CPED1: variants seen among roughly 807,000 people sequenced by gnomAD.
The protein encoded by CPED1 is cadherin like and PC-esterase domain containing 1, also known as cadherin-like and PC-esterase domain-containing protein 1.
CPED1 carries 114 observed loss-of-function variants against 128.2 expected under a neutral mutation model. The ratio of observed to expected loss-of-function variants is 0.89; its 90% CI spans 0.76 to 1.04. The LOEUF is 1.04. CPED1 is among the 50% of genes least tolerant of loss of function. The pLI, the probability that CPED1 is intolerant of heterozygous loss-of-function variation, is 0.00. For missense variants in CPED1, 1,211 were observed against 1,207.1 expected, an observed-to-expected ratio of 1.00 and a Z score of -0.05; for synonymous variants, 462 against 426.7, an observed-to-expected ratio of 1.08 and a Z score of -1.02.
At chr7:121,053,806 T>C (rs1341515502) in intron 4 of CPED1, among the ~76,000 whole-genome samples, 1 of 152,246 alleles carries the variant, frequency 6.6e-6, no homozygotes, top group African/African-American at 2.4e-5. Flanking sequence ...TTTATTTATG[T>C]CAGTATGGAC....
intron 16 of CPED1, among the ~76,000 whole-genome samples, chr7:121,200,371 A>G (rs911000727): frequency 6.6e-6 from 1 of 152,128 alleles, no homozygotes; most frequent in Admixed American, 6.6e-5. Context: ...GAGAATGGGT[A>G]TACATTTCCT....
Position 121,100,038 on chromosome 7 carries a change from A to G in CPED1, c.862A>G (p.Ile288Val). 1.2e-6 allele frequency: 2 copies of G among 1,613,564 alleles called. No homozygotes were observed. The highest frequency in any genetic ancestry group is 8.5e-7 in the Non-Finnish European group (1 of 1,179,764). Residue 288 changes from isoleucine (I) to valine (V), a missense_variant, in exon 7 of 23, where the codon ATT (isoleucine) becomes GTT (valine). Ile to Val is a conservative substitution (Grantham distance 29, BLOSUM62 3). Transcript: ENST00000310396. ...VTSLTPLRAF[I>V]HSTGTVWNPP... ...GTCCTTAACCCCTTTGCGTGCATTC[A>G]TTCATTCGACGGGCACAGTTTGGAA...
intron 5 of CPED1, among the ~76,000 whole-genome samples, chr7:121,077,234 A>G (rs933709013): frequency 6.6e-6 from 1 of 152,090 alleles, no homozygotes; most frequent in African/African-American, 2.4e-5. Context: ...CTTAGTAGAC[A>G]TGTTCTTCTT....
At chr7:121,089,006 G>C (rs929631235) in intron 5 of CPED1, among the ~76,000 whole-genome samples, 1 of 152,132 alleles carries the variant, frequency 6.6e-6, no homozygotes, top group African/African-American at 2.4e-5. Flanking sequence ...GGTTCTGCCT[G>C]GCTTCTGACT....
intron 2 of CPED1, among the ~76,000 whole-genome samples, chr7:121,003,926 G>A (rs542787067): frequency 1.2e-4 from 19 of 152,294 alleles, no homozygotes; most frequent in Admixed American, 5.2e-4. Flanking sequence ...AGACATAAAT[G>A]TGTGCTGAAG....
At chr7:121,097,210 A>G (rs926797906) in intron 5 of CPED1, among the ~76,000 whole-genome samples, 5 of 152,314 alleles carry the variant, frequency 3.3e-5, no homozygotes, top group Non-Finnish European at 4.4e-5. Context: ...AATAATTAAT[A>G]TTTTATAAGA....
At chr7:121,041,538 C>T (rs956582243) in intron 3 of CPED1, among the ~76,000 whole-genome samples, 2 of 152,058 alleles carry the variant, frequency 1.3e-5, no homozygotes, top group African/African-American at 4.8e-5. Flanking sequence ...CTAATATGAA[C>T]GATGCTATCT....
rs965849459 is a variant in CPED1 at position 121,137,395 on chromosome 7, G to C, written c.1699+1305G>C. ...GCTACATTGCCCAGGCTGGTCTTGA[G>C]TTCCTGATCTCAAGTGGTCCTCCCG... On this transcript the variant is annotated intron_variant, in intron 14 of 22. Transcript: ENST00000310396. 2.0e-5 allele frequency among the ~76,000 whole-genome samples: 3 copies of C among 151,900 alleles called. No individual in the cohort carries two copies. The East Asian group carries it at 5.8e-4, about 29-fold the overall frequency.
intron 18 of CPED1, among the ~76,000 whole-genome samples, chr7:121,255,665 G>A (rs897098765): frequency 7.9e-5 from 12 of 151,874 alleles, no homozygotes; most frequent in African/African-American, 2.2e-4. Context: ...GAAAACCCTA[G>A]AGAATGCCAA....
intron 16 of CPED1, among the ~76,000 whole-genome samples, chr7:121,159,854 TG>T (rs1444061936): frequency 1.2e-4 from 18 of 152,206 alleles, no homozygotes; most frequent in African/African-American, 4.1e-4. Flanking sequence ...TCTTAATATT[TG>T]TAAAATTAAA....
chr7:121,287,752 C>T (rs968325498), intron 22 of CPED1, among the ~76,000 whole-genome samples: 4 of 152,126 alleles, frequency 2.6e-5, no homozygotes, highest in Non-Finnish European at 4.4e-5. Context: ...TTTTAATTAA[C>T]TCGGGAAGAT....
chr7:121,044,243 TG>T (rs970845587), intron 3 of CPED1, among the ~76,000 whole-genome samples: 1 of 151,966 alleles, frequency 6.6e-6, no homozygotes, highest in African/African-American at 2.4e-5. Flanking sequence ...CTTCTAATGT[TG>T]GAAATAGAAA....
intron 3 of CPED1, among the ~76,000 whole-genome samples, chr7:121,041,841 A>G (rs1272321871): frequency 1.3e-5 from 2 of 152,182 alleles, no homozygotes; most frequent in African/African-American, 4.8e-5. Context: ...TTATATCTGA[A>G]TTAATTGATC....
chr7:121,146,762 A>T (rs1020861817), intron 16 of CPED1, among the ~76,000 whole-genome samples: 1 of 152,162 alleles, frequency 6.6e-6, no homozygotes, highest in Non-Finnish European at 1.5e-5. Flanking sequence ...AGTTATTTTT[A>T]TGCTAACTAG....
chr7:121,023,401 C>T (rs1792491965), intron 3 of CPED1, among the ~76,000 whole-genome samples: 1 of 152,064 alleles, frequency 6.6e-6, no homozygotes, highest in African/African-American at 2.4e-5. Context: ...CAGCCCAGAA[C>T]AAAAAGTAGG....
At chr7:121,223,526 G>A (rs1377939162) in intron 16 of CPED1, among the ~76,000 whole-genome samples, 1 of 152,154 alleles carries the variant, frequency 6.6e-6, no homozygotes, top group Non-Finnish European at 1.5e-5. Flanking sequence ...AGTTTCAGAA[G>A]GAATGGTACA....
intron 5 of CPED1, among the ~76,000 whole-genome samples, chr7:121,079,996 A>G (rs1794243754): frequency 1.3e-5 from 2 of 152,288 alleles, no homozygotes; most frequent in South Asian, 4.1e-4. Context: ...CAGTTTTTTG[A>G]TCTAAATCCC....
intron 19 of CPED1, 61 bp from the exon 20 acceptor site, chr7:121,266,646 A>G: frequency 3.1e-6 from 4 of 1,305,660 alleles, no homozygotes; most frequent in South Asian, 1.2e-5. Context: ...GAGGCAGTGC[A>G]GTTACAATGT....
At chr7:121,100,358 T>C (rs1437431167) in intron 7 of CPED1, among the ~76,000 whole-genome samples, 1 of 152,216 alleles carries the variant, frequency 6.6e-6, no homozygotes, top group Non-Finnish European at 1.5e-5. Flanking sequence ...ATCTACTTAT[T>C]ACAGAGCTAG....
Sources: allele counts gnomAD v4.1 joint callset (sites outside exome capture counted in the v4.1 genomes callset), GRCh38; gene constraint gnomAD v4.1.1; transcripts MANE v1.5; gene names NCBI Gene and HGNC (gene_info 2026-07-23, HGNC 2026-07-21).